The following GSN variants were observed in gnomAD, a reference collection of about 807,000 sequenced individuals.
The protein encoded by GSN is gelsolin.
Under a neutral mutation model 85.7 loss-of-function variants are expected in GSN, and 56 were observed. The ratio of observed to expected loss-of-function variants is 0.65; its 90% CI spans 0.53 to 0.82. The LOEUF is 0.82. Among genes scored for constraint, GSN ranks in the 40% least tolerant of loss-of-function variants. GSN has a pLI of 0.00. For missense variants in GSN, 857 were observed against 979.8 expected, an observed-to-expected ratio of 0.87 and a Z score of 1.67; for synonymous variants, 373 against 399.1, an observed-to-expected ratio of 0.93 and a Z score of 0.78.
intron 4 of GSN, among the ~76,000 whole-genome samples, chr9:121,305,406 T>C (rs940273156): frequency 6.6e-6 from 1 of 152,200 alleles, no homozygotes. Context: ...TTTACTCATT[T>C]AACTCATTTT....
Position 121,301,985 on chromosome 9 carries a change from AC to A in GSN, c.18del (p.Glu7SerfsTer41), listed in dbSNP as rs2059921921. 2 of 1,613,916 alleles carry A rather than the reference AC, an allele frequency of 1.2e-6. No individual in the cohort carries two copies. Among genetic ancestry groups the A allele is most frequent in the Non-Finnish European group, 1.7e-6 (2 of 1,179,954 alleles). On this transcript the variant is annotated frameshift_variant, in exon 3 of 18. Transcript: ENST00000432226. LOFTEE classifies it high-confidence loss of function. Reference sequence around the variant, plus strand: ...CAGCCCAACAGCATGGTGGTGGAACACCCCGAGTTCCTCAAGGCAGGGAAGG... The same window carrying A: ...CAGCCCAACAGCATGGTGGTGGAACACCCGAGTTCCTCAAGGCAGGGAAGG... MVVEHPEFLKAGKEP... is the reference protein window; with the variant it reads MVVEXPEFLKAGKEP...
At position 121,270,538 on chromosome 9, in the gene GSN, A is replaced by C. The variant is rs1004660482; in HGVS notation, c.-103+2319A>C. ...TGCTATAAATTTCATCTAAAAGCAG[A>C]CAACAGGCTAGACCTACTGGAGAAG... On this transcript the variant is annotated intron_variant, in intron 1 of 17. Coordinates refer to ENST00000432226, the MANE Select transcript of GSN (RefSeq NM_198252.3). Among the ~76,000 whole-genome samples, 10 of 152,368 alleles carry C rather than the reference A, an allele frequency of 6.6e-5. 1 individual carries two copies. Among genetic ancestry groups the C allele is most frequent in the Admixed American group, 4.6e-4 (7 of 15,308 alleles).
intron 1 of GSN, among the ~76,000 whole-genome samples, chr9:121,270,344 T>A (rs976414165): frequency 6.6e-6 from 1 of 152,218 alleles, no homozygotes; most frequent in Non-Finnish European, 1.5e-5. Flanking sequence ...TTATTCTGAA[T>A]GGCTGATGTA....
intron 2 of GSN, among the ~76,000 whole-genome samples, chr9:121,287,630 G>A (rs574284613): frequency 5.3e-4 from 80 of 151,716 alleles, no homozygotes; most frequent in African/African-American, 1.6e-3. Flanking sequence ...CACAGGGAGC[G>A]CCCTTCTCTT....
chr9:121,209,936 A>G (rs1407537167), intron 2 of GSN, among the ~76,000 whole-genome samples: 1 of 152,214 alleles, frequency 6.6e-6, no homozygotes, highest in East Asian at 1.9e-4. Flanking sequence ...TATCTGGAAC[A>G]ATTTGGGCTA....
rs958831088 is a variant in GSN at position 121,282,478 on chromosome 9, G to A, written c.-10+916G>A. 5 of 1,262,076 alleles carry A rather than the reference G, an allele frequency of 4.0e-6. No individual in the cohort carries two copies. In the South Asian group the frequency reaches 1.9e-4, roughly 47 times the overall value. The allele number at this position is 1,262,076 out of a possible 1,614,324, so 78.2% of individuals were successfully genotyped here. On this transcript the variant is annotated intron_variant, in intron 2 of 17. Coordinates refer to ENST00000432226, the MANE Select transcript of GSN (RefSeq NM_198252.3). ...TGAATACAGGACTTACGCGTCTGCTGTGGCCCAGCTGGCTTCCAGATGGTG... is the reference window on the plus strand; with the variant it reads ...TGAATACAGGACTTACGCGTCTGCTATGGCCCAGCTGGCTTCCAGATGGTG...
At chr9:121,247,859 C>A (rs2054731301) in intron 5 of GSN, among the ~76,000 whole-genome samples, 1 of 149,570 alleles carries the variant, frequency 6.7e-6, no homozygotes, top group South Asian at 2.2e-4. Context: ...GGTAAAGCAA[C>A]CTCACCCCCC....
intron 4 of GSN, among the ~76,000 whole-genome samples, chr9:121,217,671 G>C (rs1264490009): frequency 6.6e-6 from 1 of 151,844 alleles, no homozygotes; most frequent in African/African-American, 2.4e-5. Flanking sequence ...ACATTCTGAG[G>C]TACTGGGGGT....
chr9:121,275,899 C>G (rs1177296101), intron 1 of GSN, among the ~76,000 whole-genome samples: 1 of 152,164 alleles, frequency 6.6e-6, no homozygotes, highest in African/African-American at 2.4e-5. Flanking sequence ...AAACAGTGTG[C>G]CAGTTAAGCA....
At chr9:121,298,786 T>C (rs552605227) in intron 2 of GSN, among the ~76,000 whole-genome samples, 1 of 152,232 alleles carries the variant, frequency 6.6e-6, no homozygotes, top group Non-Finnish European at 1.5e-5. Context: ...TTGGATTCTG[T>C]GCAGTGCTAG....
intron 8 of GSN, 67 bp downstream of exon 8, chr9:121,317,285 C>G: frequency 6.5e-7 from 1 of 1,540,870 alleles, no homozygotes; most frequent in South Asian, 1.1e-5. Context: ...CTGCAGCTCC[C>G]AGGAACTCAG....
At chr9:121,258,885 A>C (rs1263765391) in intron 6 of GSN, among the ~76,000 whole-genome samples, 1 of 152,202 alleles carries the variant, frequency 6.6e-6, no homozygotes, top group African/African-American at 2.4e-5. Flanking sequence ...ATGTTAGTTC[A>C]TCTCTTTATT....
intron 6 of GSN, among the ~76,000 whole-genome samples, chr9:121,254,266 C>G (rs749781567): frequency 5.9e-5 from 9 of 152,328 alleles, no homozygotes; most frequent in Middle Eastern, 3.4e-3. Flanking sequence ...GATCCTAACA[C>G]AGTTTTAGCC....
chr9:121,328,448 A>T (rs940878938), intron 14 of GSN, among the ~76,000 whole-genome samples: 1 of 152,234 alleles, frequency 6.6e-6, no homozygotes, highest in Non-Finnish European at 1.5e-5. Context: ...AATTTTAATG[A>T]ATTTAAATTT....
rs1412486025 is a variant in GSN, at chr9:121,261,899, T to C, written c.-340-3255T>C. Among the ~76,000 whole-genome samples, 1 of 152,180 alleles carries C rather than the reference T, an allele frequency of 6.6e-6. No individual in the cohort carries two copies. Among genetic ancestry groups the C allele is most frequent in the Non-Finnish European group, 1.5e-5 (1 of 68,016 alleles). The stretch of plus-strand genomic sequence containing the variant: ...AGGAAGAAACCAAGGCTCAGAGAGG[T>C]TGAGTAACTCAGGGTGTCCTGTCCT... On this transcript the variant is annotated intron_variant, in intron 6 of 24. Transcript: ENST00000373823. The surrounding 1 kb of genome is among the most constrained non-coding windows in gnomAD (Gnocchi z 4.1).
At chr9:121,307,160 G>A (rs1377485265) in intron 4 of GSN, among the ~76,000 whole-genome samples, 4 of 151,924 alleles carry the variant, frequency 2.6e-5, no homozygotes, top group South Asian at 4.2e-4. Context: ...CAGCCTGGGC[G>A]ATGGAACGAG....
Position 121,299,099 on chromosome 9 carries a change from T to A in GSN, c.-9-2864T>A. Among the ~76,000 whole-genome samples, 1 of 152,134 alleles carries A rather than the reference T, an allele frequency of 6.6e-6. No individual in the cohort carries two copies. The highest frequency in any genetic ancestry group is 1.9e-4 in the East Asian group (1 of 5,192). ...GGTTGCCCCTGGGGAGAGGTAAATG[T>A]GATGGAGAGGGAACAACTGTGTACA... On this transcript the variant is annotated intron_variant, in intron 2 of 17. Coordinates refer to ENST00000432226, the MANE Select transcript of GSN (RefSeq NM_198252.3). This position sits in a 1 kb window ranked among gnomAD's most constrained non-coding sequence, Gnocchi z 4.2.
intron 2 of GSN, chr9:121,282,374 G>A (rs1160063872): frequency 8.5e-6 from 6 of 705,716 alleles, no homozygotes; most frequent in African/African-American, 7.1e-5. Context: ...AATTTCTAAT[G>A]AGCAATTGTG....
At chr9:121,324,749 C>T in intron 12 of GSN, 105 bp downstream of exon 12, 2 of 699,410 alleles carry the variant, frequency 2.9e-6, no homozygotes, top group Non-Finnish European at 5.2e-6. Context: ...ATCTGTCTGT[C>T]TGTCCATCCA....
Sources: allele counts gnomAD v4.1 joint callset (sites outside exome capture counted in the v4.1 genomes callset), GRCh38; gene constraint gnomAD v4.1.1; non-coding constraint Gnocchi (gnomAD v3.1); transcripts MANE v1.5; gene names NCBI Gene and HGNC (gene_info 2026-07-23, HGNC 2026-07-21).